SPATA31F3: variants seen among roughly 807,000 people sequenced by gnomAD.
The protein encoded by SPATA31F3 is SPATA31 subfamily F member 3.
At chr9:34,895,066 G>A in the SPATA31F3 span, 1 of 398,414 alleles carries the variant, frequency 2.5e-6, no homozygotes, top group South Asian at 1.3e-4. Context: ...CCAGACTTTT[G>A]TTGGACTCTT....
chr9:34,889,661 A>G, the SPATA31F3 span: 6 of 398,436 alleles, frequency 1.5e-5, no homozygotes, highest in Non-Finnish European at 2.7e-5. Context: ...TCTTGTGAGT[A>G]TGGACTGCCC....
At chr9:34,893,052 G>T in the SPATA31F3 span, 1 of 919,786 alleles carries the variant, frequency 1.1e-6, no homozygotes, top group Non-Finnish European at 1.7e-6. Flanking sequence ...TCACCTGCCA[G>T]CAATTGCTTA....
At chr9:34,893,745 G>A in the SPATA31F3 span, among the ~76,000 whole-genome samples, 1 of 152,316 alleles carries the variant, frequency 6.6e-6, no homozygotes, top group East Asian at 1.9e-4. Flanking sequence ...GCTGGGGTCA[G>A]TTCTCTGTTG....
the SPATA31F3 span, among the ~76,000 whole-genome samples, chr9:34,891,421 C>CT: frequency 3.9e-4 from 59 of 152,200 alleles, no homozygotes; most frequent in Non-Finnish European, 2.9e-4. Flanking sequence ...TTACCTTGGC[C>CT]TGAGGAAACA....
At chr9:34,893,075 AT>A in the SPATA31F3 span, 1 of 970,938 alleles carries the variant, frequency 1.0e-6, no homozygotes, top group Non-Finnish European at 1.5e-6. Context: ...CTCCAGAGCC[AT>A]AACATTGCAG....
the SPATA31F3 span, chr9:34,889,113 G>T: frequency 2.5e-6 from 1 of 398,610 alleles, no homozygotes; most frequent in Non-Finnish European, 4.4e-6. Context: ...TGCTTCACCT[G>T]CATGTTAATG....
At chr9:34,894,891 A>G in the SPATA31F3 span, 2 of 396,560 alleles carry the variant, frequency 5.0e-6, no homozygotes, top group Admixed American at 4.4e-5. Context: ...CACCCAAGGA[A>G]GTCTTCCATG....
the SPATA31F3 span, among the ~76,000 whole-genome samples, chr9:34,891,827 C>T: frequency 8.6e-4 from 131 of 152,306 alleles, no homozygotes; most frequent in African/African-American, 3.0e-3. Context: ...TGGACAACAG[C>T]TGGCAAACTC....
chr9:34,892,259 A>G, the SPATA31F3 span, among the ~76,000 whole-genome samples: 44 of 152,318 alleles, frequency 2.9e-4, no homozygotes, highest in African/African-American at 9.1e-4. Context: ...CTCTGAGTCC[A>G]TAGTGGATCC....
the SPATA31F3 span, chr9:34,892,810 C>A: frequency 1.5e-6 from 1 of 666,732 alleles, no homozygotes; most frequent in Admixed American, 2.1e-5. Context: ...AGTGATCAGC[C>A]CAGGAATCTT....
chr9:34,894,630 G>A, the SPATA31F3 span: 3 of 397,206 alleles, frequency 7.6e-6, no homozygotes, highest in Admixed American at 4.4e-5. Context: ...AGTCACATCT[G>A]TGTATAACTT....
the SPATA31F3 span, chr9:34,895,678 TA>T: frequency 2.5e-6 from 1 of 404,582 alleles, no homozygotes. Context: ...CATAGGTGTA[TA>T]AGGGATATCC....
At chr9:34,889,324 G>C in the SPATA31F3 span, 1 of 398,694 alleles carries the variant, frequency 2.5e-6, no homozygotes, top group Non-Finnish European at 4.4e-6. Flanking sequence ...CAGGACCCAG[G>C]ATTGGCTGGA....
At chr9:34,894,302 CT>C in the SPATA31F3 span, 1 of 395,266 alleles carries the variant, frequency 2.5e-6, no homozygotes, top group African/African-American at 2.1e-5. Flanking sequence ...TGGTAACTCT[CT>C]CAACTAGTGA....
the SPATA31F3 span, among the ~76,000 whole-genome samples, chr9:34,891,864 C>T: frequency 1.3e-5 from 2 of 152,192 alleles, no homozygotes; most frequent in Non-Finnish European, 2.9e-5. Context: ...GCCTCTACAG[C>T]AGGTGCCACT....
the SPATA31F3 span, chr9:34,894,393 TCA>T: frequency 5.0e-6 from 2 of 398,426 alleles, no homozygotes; most frequent in Non-Finnish European, 8.8e-6. Flanking sequence ...TGAGAAATGA[TCA>T]CAGACCAGAC....
At chr9:34,893,646 G>A in the SPATA31F3 span, among the ~76,000 whole-genome samples, 2 of 152,034 alleles carry the variant, frequency 1.3e-5, no homozygotes, top group African/African-American at 2.4e-5. Flanking sequence ...AAGCCATTTG[G>A]CAAGGTGGGC....
chr9:34,890,001 A>G, the SPATA31F3 span, among the ~76,000 whole-genome samples: 5 of 152,124 alleles, frequency 3.3e-5, no homozygotes, highest in Non-Finnish European at 7.4e-5. Context: ...TGCTCTTGGA[A>G]CTCAAGGTTA....
chr9:34,891,630 CCT>C, the SPATA31F3 span, among the ~76,000 whole-genome samples: 1 of 152,198 alleles, frequency 6.6e-6, no homozygotes, highest in African/African-American at 2.4e-5. Flanking sequence ...ACAAATCAAC[CCT>C]CTGTTTCAAT....
Sources: gnomAD v4.1 joint callset for allele counts (sites outside exome capture counted in the v4.1 genomes callset) on GRCh38, gnomAD v4.1.1 for gene constraint, MANE v1.5 for transcripts, NCBI Gene and HGNC (gene_info 2026-07-23, HGNC 2026-07-21) for gene names.